The following INPP4B variants were observed in gnomAD, a reference collection of about 807,000 sequenced individuals.
INPP4B encodes inositol polyphosphate 4-phosphatase type II.
A neutral mutation model predicts 122.5 loss-of-function variants in INPP4B; 55 were observed. That is an observed-to-expected ratio of 0.45 (90% CI 0.36 to 0.56). INPP4B has a LOEUF of 0.56. Among genes scored for constraint, INPP4B ranks in the 20% least tolerant of loss-of-function variants. The probability of loss-of-function intolerance (pLI) is 0.00; values close to 1 mark genes in which losing one functional copy is unlikely to be tolerated. For synonymous variants in INPP4B, 403 were observed against 388.7 expected, an observed-to-expected ratio of 1.04 and a Z score of -0.43; for missense variants, 1,000 against 1,097.7, an observed-to-expected ratio of 0.91 and a Z score of 1.26.
intron 14 of INPP4B, among the ~76,000 whole-genome samples, chr4:142,195,673 A>G (rs1579249818): frequency 6.6e-6 from 1 of 152,170 alleles, no homozygotes; most frequent in Non-Finnish European, 1.5e-5. Flanking sequence ...TCTCACTTCA[A>G]CTTCCCCCAA....
rs534916909 is a variant in INPP4B, at chr4:142,502,180, G to T, written c.-190-39454C>A. Among the ~76,000 whole-genome samples the T allele has an allele frequency of 2.3e-3, 343 of 152,196 alleles. 1 individual carries two copies. The highest frequency in any genetic ancestry group is 8.0e-3 in the African/African-American group (332 of 41,526). On this transcript the variant is annotated intron_variant, in intron 2 of 25. Coordinates refer to ENST00000262992, the MANE Select transcript of INPP4B (RefSeq NM_001101669.3). ...AAGATCCCACCAAACAGATCCTCTG[G>T]TGTCTAAGCTTCAGATAAGGAGAAA...
chr4:142,680,945 A>C (rs913072839), intron 2 of INPP4B, among the ~76,000 whole-genome samples: 8 of 151,896 alleles, frequency 5.3e-5, no homozygotes, highest in African/African-American at 1.7e-4. Context: ...CACTTTTTAC[A>C]GACATTCATG....
rs150550026 is a variant in INPP4B at position 142,380,771 on chromosome 4, T to C, written c.372+22167A>G. Among the ~76,000 whole-genome samples the C allele has an allele frequency of 5.4e-4, 82 of 152,188 alleles. No homozygotes were observed. In the Middle Eastern group the frequency reaches 0.01, roughly 19 times the overall value. On this transcript the variant is annotated intron_variant, in intron 7 of 25. Transcript: ENST00000262992. ...ACTCATAATAGTCACATATAATATA[T>C]ATCATGTAAATGTAAACAAAAATAA...
At chr4:142,829,636 C>T (rs1307149199) in intron 1 of INPP4B, among the ~76,000 whole-genome samples, 2 of 152,070 alleles carry the variant, frequency 1.3e-5, no homozygotes, top group Admixed American at 6.6e-5. Context: ...AATTCTTAAT[C>T]GTAACAATAG....
chr4:142,391,624 ACTC>A (rs2148997245), intron 7 of INPP4B, among the ~76,000 whole-genome samples: 1 of 152,178 alleles, frequency 6.6e-6, no homozygotes, highest in African/African-American at 2.4e-5. Flanking sequence ...AAAACCATGT[ACTC>A]CTGGAGAAGG....
At chr4:142,405,790 G>A (rs1004900578) in intron 5 of INPP4B, among the ~76,000 whole-genome samples, 1 of 151,928 alleles carries the variant, frequency 6.6e-6, no homozygotes, top group African/African-American at 2.4e-5. Context: ...ACTAGAACTG[G>A]CCTCCCACAG....
At chr4:142,195,316 A>G (rs1283330314) in intron 14 of INPP4B, among the ~76,000 whole-genome samples, 1 of 152,238 alleles carries the variant, frequency 6.6e-6, no homozygotes, top group African/African-American at 2.4e-5. Context: ...CAATAGGCAT[A>G]AAGTTTTAGT....
At chr4:142,237,817 A>G in intron 12 of INPP4B, 47 bp downstream of exon 12, 1 of 1,139,198 alleles carries the variant, frequency 8.8e-7, no homozygotes, top group Non-Finnish European at 1.2e-6. Flanking sequence ...AAATTTTTAA[A>G]TGGTATAAAA....
At chr4:142,371,683 C>A (rs1040843183) in intron 7 of INPP4B, among the ~76,000 whole-genome samples, 2 of 151,826 alleles carry the variant, frequency 1.3e-5, no homozygotes, top group African/African-American at 4.8e-5. Context: ...TGAAAAAATG[C>A]TCAACATCCC....
intron 2 of INPP4B, among the ~76,000 whole-genome samples, chr4:142,499,791 C>T (rs1823121312): frequency 6.6e-6 from 1 of 152,054 alleles, no homozygotes; most frequent in South Asian, 2.1e-4. Flanking sequence ...AAATATCAGA[C>T]CTCCCAGATT....
chr4:142,193,290 G>T (rs1185680819), intron 14 of INPP4B, 95 bp from the exon 15 acceptor site: 4 of 663,558 alleles, frequency 6.0e-6, no homozygotes, highest in African/African-American at 1.8e-5. Flanking sequence ...GGAAGTATGA[G>T]AAATTATTCT....
rs151172684 is a variant in INPP4B at position 142,586,831 on chromosome 4, T to A, written c.-190-124105A>T. On this transcript the variant is annotated intron_variant, in intron 2 of 25. Transcript: ENST00000262992. ...GATATTTAGGGTGATATCTGAAGAA[T>A]GTATTTGAACTAGCCAGGAAAGAGG... Among the ~76,000 whole-genome samples the A allele has an allele frequency of 3.2e-4, 49 of 152,134 alleles. 1 individual carries two copies. The East Asian group carries it at 8.7e-3, about 27-fold the overall frequency.
At chr4:142,694,730 CA>C (rs1349360863) in intron 2 of INPP4B, among the ~76,000 whole-genome samples, 1 of 152,148 alleles carries the variant, frequency 6.6e-6, no homozygotes, top group African/African-American at 2.4e-5. Context: ...GCATCTGATA[CA>C]TAATTAAAAT....
At chr4:142,195,499 G>A (rs1385573398) in intron 14 of INPP4B, among the ~76,000 whole-genome samples, 1 of 152,182 alleles carries the variant, frequency 6.6e-6, no homozygotes, top group African/African-American at 2.4e-5. Context: ...TGATGGATTT[G>A]TCTGTTACCT....
At chr4:142,782,431 C>T (rs1327817540) in intron 1 of INPP4B, among the ~76,000 whole-genome samples, 2 of 151,656 alleles carry the variant, frequency 1.3e-5, no homozygotes, top group Non-Finnish European at 2.9e-5. Flanking sequence ...TGAATAGTGC[C>T]ACAATAAACA....
intron 10 of INPP4B, among the ~76,000 whole-genome samples, chr4:142,261,313 G>A (rs902376284): frequency 2.6e-5 from 4 of 152,152 alleles, no homozygotes; most frequent in African/African-American, 9.7e-5. Flanking sequence ...GGCCCCAGGA[G>A]TTGGACGAAA....
chr4:142,464,277 T>C (rs1474012148), intron 2 of INPP4B, among the ~76,000 whole-genome samples: 2 of 152,186 alleles, frequency 1.3e-5, no homozygotes, highest in Non-Finnish European at 2.9e-5. Context: ...TACTATCAGT[T>C]ACTATCTTTT....
At chr4:142,828,727 T>C (rs551318107) in intron 1 of INPP4B, among the ~76,000 whole-genome samples, 11 of 152,290 alleles carry the variant, frequency 7.2e-5, no homozygotes, top group African/African-American at 2.4e-4. Context: ...ACCTCGAGAC[T>C]TAGATATCAG....
chr4:142,436,367 T>G (rs974369640), intron 3 of INPP4B, among the ~76,000 whole-genome samples: 2 of 152,170 alleles, frequency 1.3e-5, no homozygotes, highest in Admixed American at 1.3e-4. Flanking sequence ...AAGAGCAGGT[T>G]TCCCTCCAGT....
Sources: gnomAD v4.1 joint callset for allele counts (sites outside exome capture counted in the v4.1 genomes callset) on GRCh38, gnomAD v4.1.1 for gene constraint, MANE v1.5 for transcripts, NCBI Gene and HGNC (gene_info 2026-07-23, HGNC 2026-07-21) for gene names.